The following ADGRG6 variants were observed in gnomAD, a reference collection of about 807,000 sequenced individuals.
The protein encoded by ADGRG6 is adhesion G protein-coupled receptor G6, also known as G-protein coupled receptor 126.
ADGRG6 carries 84 observed loss-of-function variants against 142.4 expected under a neutral mutation model. That is an observed-to-expected ratio of 0.59 (90% CI 0.49 to 0.71). The LOEUF (loss-of-function observed/expected upper bound fraction) is 0.71. ADGRG6 is among the 30% of genes least tolerant of loss of function. ADGRG6 has a pLI of 0.00. For synonymous variants in ADGRG6, 521 were observed against 520.5 expected, an observed-to-expected ratio of 1.00 and a Z score of -0.01; for missense variants, 1,367 against 1,466.6, an observed-to-expected ratio of 0.93 and a Z score of 1.11.
chr6:142,381,932 T>G lies in ADGRG6; in HGVS notation c.1070-19T>G. 6.6e-7 allele frequency: 1 copy of G among 1,513,682 alleles called. No individual in the cohort carries two copies. Among genetic ancestry groups the G allele is most frequent in the Non-Finnish European group, 9.1e-7 (1 of 1,101,524 alleles). The allele number at this position is 1,513,682 out of a possible 1,614,324, so 93.8% of individuals were successfully genotyped here. On this transcript the variant is annotated intron_variant, in intron 4 of 24. Transcript: ENST00000367609. ...TAAATCATAAATCAAACTTACATATTCTTTTTGTGTTGATCAAGGTTCCTA... is the reference window on the plus strand; with the variant it reads ...TAAATCATAAATCAAACTTACATATGCTTTTTGTGTTGATCAAGGTTCCTA...
chr6:142,405,660 G>T, intron 14 of ADGRG6, 28 bp from the exon 15 acceptor site: 2 of 1,573,364 alleles, frequency 1.3e-6, no homozygotes, highest in South Asian at 2.3e-5. Context: ...ATGATTACTT[G>T]ACCAATATAT....
At chr6:142,312,224 T>C (rs1441503169) in intron 2 of ADGRG6, among the ~76,000 whole-genome samples, 1 of 152,074 alleles carries the variant, frequency 6.6e-6, no homozygotes, top group Non-Finnish European at 1.5e-5. Flanking sequence ...TGACACTTAA[T>C]TCAGATGATT....
At chr6:142,352,756 C>T (rs1167108714) in intron 2 of ADGRG6, among the ~76,000 whole-genome samples, 1 of 152,028 alleles carries the variant, frequency 6.6e-6, no homozygotes, top group Admixed American at 6.6e-5. Context: ...ATATGCATCC[C>T]AAAAGCATAT....
intron 16 of ADGRG6, among the ~76,000 whole-genome samples, chr6:142,409,036 A>G (rs1034730712): frequency 6.6e-6 from 1 of 152,176 alleles, no homozygotes; most frequent in Non-Finnish European, 1.5e-5. Context: ...AACATACATA[A>G]TATAAATGTA....
intron 4 of ADGRG6, among the ~76,000 whole-genome samples, chr6:142,374,313 G>A (rs1252608924): frequency 6.6e-6 from 1 of 152,134 alleles, no homozygotes; most frequent in Non-Finnish European, 1.5e-5. Flanking sequence ...CCTACGACAT[G>A]GGTGGTGGTA....
intron 2 of ADGRG6, among the ~76,000 whole-genome samples, chr6:142,346,805 C>T (rs1273885405): frequency 1.5e-5 from 2 of 137,288 alleles, no homozygotes; most frequent in Non-Finnish European, 3.0e-5. Flanking sequence ...TGCTCTCACT[C>T]GTAAGTGGGA....
In ADGRG6 at chr6:142,400,496, GC is replaced by G; in HGVS notation, c.1581del (p.Met528TrpfsTer42). 1 of 1,525,392 alleles carries G rather than the reference GC, an allele frequency of 6.6e-7. No homozygotes were observed. 94.5% of individuals were successfully genotyped at this position (1,525,392 alleles called of 1,614,324 possible). On this transcript the variant is annotated frameshift_variant, in exon 11 of 25. Transcript: ENST00000367609. LOFTEE classifies it high-confidence loss of function. ...TTATGTTCATATAGGTCATTGTCTTGCCATGGAGGAACCCAAAGGCTACTAC... is the reference window on the plus strand; with the variant it reads ...TTATGTTCATATAGGTCATTGTCTTGCATGGAGGAACCCAAAGGCTACTAC... ...VNVRQLGHCL[A>X]MEEPKGYYWP...
chr6:142,444,459 A>G lies in ADGRG6; in HGVS notation c.*944A>G, dbSNP rs1465537159. ...TTCTGTCCTTGCTTTGGAGACTTTAAGACATTTCCTAAAGCACAAATAAAA... is the reference window on the plus strand; with the variant it reads ...TTCTGTCCTTGCTTTGGAGACTTTAGGACATTTCCTAAAGCACAAATAAAA... On this transcript the variant is annotated 3_prime_UTR_variant, in exon 25 of 25. Coordinates refer to ENST00000367609, the MANE Select transcript of ADGRG6 (RefSeq NM_198569.3). 1 of 152,248 alleles carries G rather than the reference A, an allele frequency of 6.6e-6. No homozygotes were observed. The highest frequency in any genetic ancestry group is 1.5e-5 in the Non-Finnish European group (1 of 68,044). 9.4% of individuals were successfully genotyped at this position (152,248 alleles called of 1,614,324 possible).
At position 142,370,452 on chromosome 6, in the gene ADGRG6, A is replaced by G; in HGVS notation, c.728A>G (p.Glu243Gly). 1 of 1,613,482 alleles carries G rather than the reference A, an allele frequency of 6.2e-7. No individual in the cohort carries two copies. Among genetic ancestry groups the G allele is most frequent in the Non-Finnish European group, 8.5e-7 (1 of 1,179,426 alleles). ...LNNALPVKEK[E>G]DIFAESFEQL... ...AATGCATTACCTGTCAAAGAAAAAG[A>G]AGACATTTTTGCAGAAAGCTTTGAA... is the stretch of plus-strand genomic sequence containing the variant. Residue 243 changes from glutamate (E) to glycine (G), a missense_variant, in exon 4 of 25, where the codon GAA (glutamate) becomes GGA (glycine). Around this residue, in one of 3 missense-constraint regions of ADGRG6, gnomAD observed 737 missense variants for 746.5 expected, o/e 0.99. Coordinates refer to ENST00000367609, the MANE Select transcript of ADGRG6 (RefSeq NM_198569.3).
At chr6:142,333,264 A>T (rs1779151017) in intron 2 of ADGRG6, among the ~76,000 whole-genome samples, 4 of 152,150 alleles carry the variant, frequency 2.6e-5, no homozygotes, top group African/African-American at 7.2e-5. Flanking sequence ...ATGGTTAGAA[A>T]AAGAGCACTG....
chr6:142,428,750 T>G (rs1777073827), intron 22 of ADGRG6, among the ~76,000 whole-genome samples: 1 of 152,126 alleles, frequency 6.6e-6, no homozygotes, highest in East Asian at 1.9e-4. Context: ...ATCCCCATGA[T>G]CCAGTCACCT....
At chr6:142,317,901 A>T (rs1316742166) in intron 2 of ADGRG6, among the ~76,000 whole-genome samples, 45 of 37,014 alleles carry the variant, frequency 1.2e-3, no homozygotes, top group Admixed American at 9.4e-4. Context: ...TTATATATTT[A>T]TATATATTAT....
chr6:142,302,242 C>T lies in ADGRG6; in HGVS notation c.-88C>T, dbSNP rs1777257486. On this transcript the variant is annotated 5_prime_UTR_variant, in exon 1 of 25. Coordinates refer to ENST00000367609, the MANE Select transcript of ADGRG6 (RefSeq NM_198569.3). ...GGCGCAGGGCTGGGGCGCCTGGGTT[C>T]CCCCTGGGTGGAGCAGCGGCAGCAG... 1.3e-6 allele frequency: 2 copies of T among 1,509,016 alleles called. No individual in the cohort carries two copies. The allele number at this position is 1,509,016 out of a possible 1,614,324, so 93.5% of individuals were successfully genotyped here.
At chr6:142,319,979 T>C (rs1778434240) in intron 2 of ADGRG6, among the ~76,000 whole-genome samples, 1 of 152,136 alleles carries the variant, frequency 6.6e-6, no homozygotes, top group Admixed American at 6.6e-5. Flanking sequence ...TTAAAATAGG[T>C]TAAAAGTATA....
chr6:142,418,997 C>G (rs1647382384), intron 21 of ADGRG6, among the ~76,000 whole-genome samples: 1 of 152,172 alleles, frequency 6.6e-6, no homozygotes, highest in East Asian at 1.9e-4. Context: ...CTCCATGTCA[C>G]TGGGATATTT....
chr6:142,361,704 CA>C (rs1191556870), intron 2 of ADGRG6, among the ~76,000 whole-genome samples: 2 of 151,948 alleles, frequency 1.3e-5, no homozygotes, highest in Non-Finnish European at 2.9e-5. Flanking sequence ...TGGGGGTTTG[CA>C]GGAAGAGAAT....
intron 15 of ADGRG6, among the ~76,000 whole-genome samples, chr6:142,406,340 T>C (rs1368974960): frequency 1.3e-5 from 2 of 152,228 alleles, no homozygotes; most frequent in Non-Finnish European, 2.9e-5. Context: ...GCACATATTA[T>C]CATTTTTATT....
chr6:142,331,611 A>G (rs553356339), intron 2 of ADGRG6, among the ~76,000 whole-genome samples: 11 of 152,312 alleles, frequency 7.2e-5, no homozygotes, highest in African/African-American at 2.4e-4. Context: ...ATGCAGTGTT[A>G]TTTACAGAAT....
In ADGRG6 at chr6:142,302,187, C is replaced by A; in HGVS notation, c.-143C>A. The A allele has an allele frequency of 1.1e-6, 1 of 891,624 alleles. No homozygotes were observed. Among genetic ancestry groups the A allele is most frequent in the Non-Finnish European group, 1.7e-6 (1 of 590,116 alleles). 55.2% of individuals were successfully genotyped at this position (891,624 alleles called of 1,614,324 possible). On this transcript the variant is annotated 5_prime_UTR_variant, in exon 1 of 25. Coordinates refer to ENST00000367609, the MANE Select transcript of ADGRG6 (RefSeq NM_198569.3). ...CCGTCGGGAAAGCCCATGAACTCTC[C>A]AGAAACGGCGTAAAGGAGGGTCCCG...
Sources: gnomAD v4.1 joint callset for allele counts (sites outside exome capture counted in the v4.1 genomes callset) on GRCh38, gnomAD v4.1.1 for gene constraint, gnomAD v4.1.1 regional missense constraint, MANE v1.5 for transcripts, NCBI Gene and HGNC (gene_info 2026-07-23, HGNC 2026-07-21) for gene names.